CREB5: variants seen among roughly 807,000 people sequenced by gnomAD.
CREB5 encodes cAMP responsive element binding protein 5, also known as cyclic AMP-responsive element-binding protein 5.
Under a neutral mutation model 57.1 loss-of-function variants are expected in CREB5, and 19 were observed. The observed-to-expected ratio is 0.33, with a 90% CI of 0.23 to 0.49. The LOEUF is 0.49. CREB5 is among the 20% of genes least tolerant of loss of function. The probability of loss-of-function intolerance (pLI) is 0.99; values close to 1 mark genes in which losing one functional copy is unlikely to be tolerated. For synonymous variants in CREB5, 238 were observed against 238.3 expected, an observed-to-expected ratio of 1.00 and a Z score of 0.01; for missense variants, 579 against 671.6, an observed-to-expected ratio of 0.86 and a Z score of 1.52.
intron 1 of CREB5, among the ~76,000 whole-genome samples, chr7:28,361,070 T>C (rs10253518): frequency 0.25 from 37,341 of 151,906 alleles, 4,732 homozygotes; most frequent in African/African-American, 0.26. Flanking sequence ...CCAATGTCAA[T>C]AGTCCTGAGG....
intron 4 of CREB5, among the ~76,000 whole-genome samples, chr7:28,511,609 C>T (rs1212236594): frequency 6.6e-6 from 1 of 152,188 alleles, no homozygotes; most frequent in Non-Finnish European, 1.5e-5. Context: ...CTCAGCCTCC[C>T]AAGTAGCTGG....
chr7:28,407,993 G>C (rs1357731214), upstream of CREB5, among the ~76,000 whole-genome samples: 1 of 152,226 alleles, frequency 6.6e-6, no homozygotes, highest in East Asian at 1.9e-4. Flanking sequence ...CTGTTTCTAA[G>C]CAAAGCTCCA....
intron 5 of CREB5, among the ~76,000 whole-genome samples, chr7:28,682,294 G>A (rs1800634928): frequency 6.6e-6 from 1 of 152,216 alleles, no homozygotes; most frequent in Admixed American, 6.5e-5. Context: ...TGCTGCACCA[G>A]GTCACCTAGG....
At chr7:28,445,761 C>T (rs771892757) in intron 1 of CREB5, among the ~76,000 whole-genome samples, 10 of 151,698 alleles carry the variant, frequency 6.6e-5, no homozygotes, top group East Asian at 3.9e-4. Context: ...CTGTGTTAGC[C>T]AGGATGATCT....
intron 1 of CREB5, among the ~76,000 whole-genome samples, chr7:28,429,034 GT>G (rs944798165): frequency 3.3e-5 from 5 of 151,678 alleles, no homozygotes; most frequent in African/African-American, 7.3e-5. Flanking sequence ...TTAAAAAAAA[GT>G]TTTTTTTTGA....
Position 28,819,171 on chromosome 7 carries a change from C to T in CREB5, c.1419C>T (p.Val473=), listed in dbSNP as rs745534589. 4 of 1,613,792 alleles carry T rather than the reference C, an allele frequency of 2.5e-6. No individual in the cohort carries two copies. The East Asian group carries it at 8.9e-5, about 36-fold the overall frequency. ...SPVPACSQQQ[V]IQHNTITTSS... ...TCCCAGCTTGCTCCCAGCAACAAGT[C>T]ATCCAGCATAATACCATCACTACTT... Residue 473 remains valine (V), a synonymous_variant, in exon 11 of 11, where the codon GTC becomes GTT. Coordinates refer to ENST00000357727, the MANE Select transcript of CREB5 (RefSeq NM_182898.4).
At chr7:28,432,816 A>T (rs1405506383) in intron 1 of CREB5, among the ~76,000 whole-genome samples, 1 of 152,240 alleles carries the variant, frequency 6.6e-6, no homozygotes, top group African/African-American at 2.4e-5. Context: ...TGTAGAAAAT[A>T]AAAAAGAAGA....
At chr7:28,716,887 T>C (rs1236123926) in intron 5 of CREB5, among the ~76,000 whole-genome samples, 2 of 152,152 alleles carry the variant, frequency 1.3e-5, no homozygotes, top group African/African-American at 2.4e-5. Context: ...GTCCTTATTG[T>C]CAATCTATAC....
intron 5 of CREB5, among the ~76,000 whole-genome samples, chr7:28,579,986 T>A (rs934447169): frequency 2.0e-5 from 3 of 152,114 alleles, no homozygotes; most frequent in African/African-American, 7.2e-5. Flanking sequence ...AGCAGTAAGG[T>A]ACTAGATTAA....
chr7:28,423,928 G>A (rs756949271), intron 1 of CREB5, among the ~76,000 whole-genome samples: 38 of 152,176 alleles, frequency 2.5e-4, no homozygotes, highest in Non-Finnish European at 5.3e-4. Flanking sequence ...GGCTGCTGTA[G>A]CAAAGTAGCA....
At chr7:28,423,768 A>G (rs1035646038) in intron 1 of CREB5, among the ~76,000 whole-genome samples, 63 of 152,296 alleles carry the variant, frequency 4.1e-4, no homozygotes, top group African/African-American at 1.3e-3. Flanking sequence ...TGAAAGGTAC[A>G]GTGCATTATT....
intron 4 of CREB5, among the ~76,000 whole-genome samples, chr7:28,519,522 T>C (rs1313387882): frequency 9.4e-6 from 1 of 106,000 alleles, no homozygotes; most frequent in Non-Finnish European, 2.2e-5. Flanking sequence ...AGAGTTGATT[T>C]ACCCTTGGTG....
At chr7:28,378,297 AT>A (rs34363769) in intron 1 of CREB5, among the ~76,000 whole-genome samples, 116,841 of 150,718 alleles carry the variant, frequency 0.78, 45,417 homozygotes, top group East Asian at 1. Flanking sequence ...AACTCCTGGG[AT>A]TTTTTTTTTT....
chr7:28,813,243 A>G (rs1473154267), intron 9 of CREB5, among the ~76,000 whole-genome samples: 1 of 152,184 alleles, frequency 6.6e-6, no homozygotes, highest in East Asian at 1.9e-4. Context: ...GAAACTCCGT[A>G]AGCCAAAGAA....
chr7:28,706,137 C>T (rs2128740401), intron 5 of CREB5, among the ~76,000 whole-genome samples: 1 of 152,266 alleles, frequency 6.6e-6, no homozygotes, highest in East Asian at 1.9e-4. Flanking sequence ...GGTAGATCAC[C>T]TGAGGTCCGG....
At chr7:28,794,608 G>A (rs1353974369) in intron 7 of CREB5, among the ~76,000 whole-genome samples, 1 of 152,096 alleles carries the variant, frequency 6.6e-6, no homozygotes, top group African/African-American at 2.4e-5. Context: ...ACCTGAGTAT[G>A]GGGACATTGA....
At chr7:28,643,017 C>T (rs1362804287) in intron 5 of CREB5, among the ~76,000 whole-genome samples, 1 of 147,914 alleles carries the variant, frequency 6.8e-6, no homozygotes, top group African/African-American at 2.5e-5. Flanking sequence ...CACACACACA[C>T]ACACACACAC....
chr7:28,649,225 G>A (rs1176230562), intron 5 of CREB5, among the ~76,000 whole-genome samples: 1 of 152,216 alleles, frequency 6.6e-6, no homozygotes, highest in Non-Finnish European at 1.5e-5. Context: ...CCTAGGACAG[G>A]AATTGGTAAA....
intron 1 of CREB5, among the ~76,000 whole-genome samples, chr7:28,356,818 T>C (rs907727908): frequency 1.3e-5 from 2 of 152,162 alleles, no homozygotes; most frequent in Non-Finnish European, 2.9e-5. Context: ...TTCTGGATGC[T>C]GCCACATGGC....
Sources: gnomAD v4.1 joint callset for allele counts (sites outside exome capture counted in the v4.1 genomes callset) on GRCh38, gnomAD v4.1.1 for gene constraint, MANE v1.5 for transcripts, NCBI Gene and HGNC (gene_info 2026-07-23, HGNC 2026-07-21) for gene names.